The following MKLN1 variants were observed in gnomAD, a reference collection of about 807,000 sequenced individuals.
The protein encoded by MKLN1 is muskelin.
Under a neutral mutation model 99.0 loss-of-function variants are expected in MKLN1, and 18 were observed. That is an observed-to-expected ratio of 0.18 (90% CI 0.13 to 0.27). The LOEUF is 0.27. Ranked by LOEUF, MKLN1 falls within the 10% of genes least tolerant of loss-of-function variation. The pLI, the probability that MKLN1 is intolerant of heterozygous loss-of-function variation, is 1.00. For synonymous variants in MKLN1, 288 were observed against 293.2 expected (o/e 0.98, Z 0.18); for missense variants, 621 against 875.9 (o/e 0.71, Z 3.67).
chr7:131,198,365 G>GA (rs1398631474), intron 2 of MKLN1, among the ~76,000 whole-genome samples: 3 of 152,162 alleles, frequency 2.0e-5, no homozygotes, highest in South Asian at 4.1e-4. Flanking sequence ...CTGTGTCATG[G>GA]AAAAAAATTT....
At chr7:131,343,298 C>G (rs764720741) in intron 1 of MKLN1, among the ~76,000 whole-genome samples, 3 of 152,136 alleles carry the variant, frequency 2.0e-5, no homozygotes, top group Non-Finnish European at 4.4e-5. Context: ...AGACTTTTCC[C>G]TAAAGTTTAT....
intron 3 of MKLN1, among the ~76,000 whole-genome samples, chr7:131,282,098 C>T (rs533539083): frequency 6.6e-6 from 1 of 152,170 alleles, no homozygotes; most frequent in African/African-American, 2.4e-5. Context: ...GCCTGTAATC[C>T]CAGCACTTTG....
At chr7:131,237,213 A>G (rs1797335868) in intron 3 of MKLN1, among the ~76,000 whole-genome samples, 1 of 152,208 alleles carries the variant, frequency 6.6e-6, no homozygotes, top group African/African-American at 2.4e-5. Flanking sequence ...GCTGAGAAAA[A>G]TTACCTGTAC....
At chr7:131,447,486 G>T (rs1467718512) in intron 12 of MKLN1, among the ~76,000 whole-genome samples, 1 of 152,100 alleles carries the variant, frequency 6.6e-6, no homozygotes. Context: ...GACTGCTTGA[G>T]CCCAGGAGTT....
intron 2 of MKLN1, among the ~76,000 whole-genome samples, chr7:131,147,285 T>C (rs1188799172): frequency 6.6e-6 from 1 of 151,250 alleles, no homozygotes; most frequent in African/African-American, 2.4e-5. Flanking sequence ...CTTGAACTCC[T>C]GACCTCAGGT....
At chr7:131,435,957 A>C (rs1359122691) in intron 9 of MKLN1, among the ~76,000 whole-genome samples, 1 of 152,030 alleles carries the variant, frequency 6.6e-6, no homozygotes, top group Non-Finnish European at 1.5e-5. Flanking sequence ...ATTTAGTTGA[A>C]GCAAGAAGTT....
At chr7:131,246,201 G>A (rs1797485952) in intron 3 of MKLN1, among the ~76,000 whole-genome samples, 1 of 152,234 alleles carries the variant, frequency 6.6e-6, no homozygotes. Flanking sequence ...AGAACATCCA[G>A]GGCCATAGGC....
At chr7:131,368,944 T>C (rs2116827859) in intron 1 of MKLN1, among the ~76,000 whole-genome samples, 1 of 152,234 alleles carries the variant, frequency 6.6e-6, no homozygotes, top group African/African-American at 2.4e-5. Context: ...CTACCATTTG[T>C]ACTTACTTTA....
At chr7:131,452,445 C>T (rs755999457) in intron 12 of MKLN1, among the ~76,000 whole-genome samples, 10 of 151,218 alleles carry the variant, frequency 6.6e-5, no homozygotes, top group African/African-American at 9.7e-5. Flanking sequence ...CAAAATCATA[C>T]TGATTTTCAT....
rs1794571023 is a variant in MKLN1, at chr7:131,402,263, A to G, written c.703+2830A>G. Among the ~76,000 whole-genome samples, 3 of 152,218 alleles carry G rather than the reference A, an allele frequency of 2.0e-5. No individual in the cohort carries two copies. In the South Asian group the frequency reaches 6.2e-4, roughly 31 times the overall value. The stretch of plus-strand genomic sequence containing the variant: ...AAGAAACCACTTTATTTGCTCATTC[A>G]TAAGAAGCAATTTCTCATCCATTCA... On this transcript the variant is annotated intron_variant, in intron 6 of 17. Coordinates refer to ENST00000352689, the MANE Select transcript of MKLN1 (RefSeq NM_013255.5).
At chr7:131,321,257 A>AT (rs3078591) in intron 3 of MKLN1, among the ~76,000 whole-genome samples, 222 of 151,946 alleles carry the variant, frequency 1.5e-3, no homozygotes, top group African/African-American at 5.0e-3. Flanking sequence ...CTATAAAAAA[A>AT]GAGTTCATGT....
At chr7:131,125,709 A>G (rs1030079406) in intron 1 of MKLN1, among the ~76,000 whole-genome samples, 10 of 152,274 alleles carry the variant, frequency 6.6e-5, no homozygotes, top group Admixed American at 3.3e-4. Flanking sequence ...CTGTCTCTGC[A>G]AAAAATTAAA....
chr7:131,438,715 T>G (rs1468918362), intron 10 of MKLN1, among the ~76,000 whole-genome samples: 1 of 151,836 alleles, frequency 6.6e-6, no homozygotes, highest in African/African-American at 2.4e-5. Flanking sequence ...GCTCAACCCA[T>G]GTCCAAAGTT....
chr7:131,233,761 A>G (rs1797276520), intron 3 of MKLN1, among the ~76,000 whole-genome samples: 1 of 152,124 alleles, frequency 6.6e-6, no homozygotes, highest in Non-Finnish European at 1.5e-5. Context: ...CAGTGGGGCT[A>G]TGACCTACTG....
intron 3 of MKLN1, among the ~76,000 whole-genome samples, chr7:131,281,280 T>A (rs1270834006): frequency 1.3e-5 from 2 of 152,036 alleles, no homozygotes; most frequent in Non-Finnish European, 2.9e-5. Context: ...CCCAGCAACA[T>A]TTGTTGAAAA....
intron 8 of MKLN1, among the ~76,000 whole-genome samples, chr7:131,424,897 G>A (rs1795314259): frequency 6.6e-6 from 1 of 152,166 alleles, no homozygotes; most frequent in South Asian, 2.1e-4. Flanking sequence ...CTTCTCCACT[G>A]TCTGTGTGGA....
chr7:131,319,321 G>A (rs1415727208), intron 3 of MKLN1, among the ~76,000 whole-genome samples: 12 of 152,146 alleles, frequency 7.9e-5, no homozygotes, highest in African/African-American at 2.4e-4. Context: ...AATCTATCAC[G>A]TAAACAGAAC....
intron 15 of MKLN1, among the ~76,000 whole-genome samples, chr7:131,469,938 CAA>C (rs1158463948): frequency 6.7e-6 from 1 of 149,908 alleles, no homozygotes; most frequent in Admixed American, 6.7e-5. Context: ...TGCAGTGGTA[CAA>C]TCATGGCTCA....
chr7:131,221,502 C>CTTT (rs71174930), intron 3 of MKLN1, among the ~76,000 whole-genome samples: 2 of 123,986 alleles, frequency 1.6e-5, no homozygotes, highest in African/African-American at 3.0e-5. Context: ...GATCATGCCA[C>CTTT]TTTTTTTTTT....
Sources: gnomAD v4.1 joint callset for allele counts (sites outside exome capture counted in the v4.1 genomes callset) on GRCh38, gnomAD v4.1.1 for gene constraint, MANE v1.5 for transcripts, NCBI Gene and HGNC (gene_info 2026-07-23, HGNC 2026-07-21) for gene names.